RAD50: variants seen among roughly 807,000 people sequenced by gnomAD.
RAD50 encodes RAD50 double strand break repair protein, also known as DNA repair protein RAD50.
RAD50 carries 132 observed loss-of-function variants against 168.8 expected under a neutral mutation model. That is an observed-to-expected ratio of 0.78 (90% CI 0.68 to 0.90). The LOEUF is 0.90. RAD50 is among the 40% of genes least tolerant of loss of function. The probability of loss-of-function intolerance (pLI) is 0.00; values close to 1 mark genes in which losing one functional copy is unlikely to be tolerated. For missense variants in RAD50, 1,347 were observed against 1,534.4 expected, an observed-to-expected ratio of 0.88 and a Z score of 2.04; for synonymous variants, 525 against 497.4, an observed-to-expected ratio of 1.06 and a Z score of -0.74.
At chr5:132,579,795 C>T in intron 4 of RAD50, 67 bp from the exon 5 acceptor site, 5 of 1,288,730 alleles carry the variant, frequency 3.9e-6, no homozygotes, top group Non-Finnish European at 5.6e-6. Flanking sequence ...GCATAATATC[C>T]CACTGTATGA....
In RAD50 at chr5:132,642,071, G is replaced by GAC. The variant is rs1751733824; in HGVS notation, c.3753-101_3753-100dup. ...CTTCCTGCAGGGTAGCTGGGGCCCT[G>GAC]ACACACAGCACAAGTTCATGTGTCT... is the stretch of plus-strand genomic sequence containing the variant. On this transcript the variant is annotated intron_variant, in intron 24 of 24. Coordinates refer to ENST00000378823, the MANE Select transcript of RAD50 (RefSeq NM_005732.4). 6.4e-6 allele frequency: 8 copies of GAC among 1,251,026 alleles called. No individual in the cohort carries two copies. The East Asian group carries it at 1.9e-4, about 30-fold the overall frequency. The allele number at this position is 1,251,026 out of a possible 1,614,324, so 77.5% of individuals were successfully genotyped here.
At chr5:132,583,951 C>A (rs965487652) in intron 5 of RAD50, among the ~76,000 whole-genome samples, 1 of 152,110 alleles carries the variant, frequency 6.6e-6, no homozygotes, top group Admixed American at 6.5e-5. Flanking sequence ...CCCACCTCGG[C>A]CTCCCAAAGT....
intron 2 of RAD50, among the ~76,000 whole-genome samples, chr5:132,574,977 A>G (rs1295255256): frequency 1.3e-5 from 2 of 152,088 alleles, no homozygotes; most frequent in Non-Finnish European, 2.9e-5. Flanking sequence ...GGAGTTCCAA[A>G]CTTTCCCATA....
intron 19 of RAD50, among the ~76,000 whole-genome samples, chr5:132,614,306 G>C (rs1018440923): frequency 6.6e-6 from 1 of 152,124 alleles, no homozygotes; most frequent in African/African-American, 2.4e-5. Context: ...TTCCTAATAA[G>C]GAACAACAAG....
At chr5:132,558,137 AAAGG>A (rs1353981313) in intron 1 of RAD50, among the ~76,000 whole-genome samples, 4 of 152,212 alleles carry the variant, frequency 2.6e-5, no homozygotes, top group Non-Finnish European at 4.4e-5. Flanking sequence ...AGAAGAGTCT[AAAGG>A]AAGGATTTGT....
At chr5:132,596,316 A>G (rs1469570227) in intron 13 of RAD50, among the ~76,000 whole-genome samples, 1 of 152,156 alleles carries the variant, frequency 6.6e-6, no homozygotes, top group Non-Finnish European at 1.5e-5. Flanking sequence ...TTCTTAAACT[A>G]TGAGGTAGAC....
chr5:132,557,566 G>T (rs1750027290), intron 1 of RAD50, 113 bp downstream of exon 1: 1 of 1,487,282 alleles, frequency 6.7e-7, no homozygotes, highest in Non-Finnish European at 9.3e-7. Context: ...CTCCACAGGT[G>T]TAGGCCCTTA....
chr5:132,643,797 A>G lies in RAD50; in HGVS notation c.*1433A>G. ...AATTCTAGTCATATATTAAACATCCACAATAACCAAGATATTTTTATCCCA... is the reference window on the plus strand; with the variant it reads ...AATTCTAGTCATATATTAAACATCCGCAATAACCAAGATATTTTTATCCCA... On this transcript the variant is annotated 3_prime_UTR_variant, in exon 25 of 25. Coordinates refer to ENST00000378823, the MANE Select transcript of RAD50 (RefSeq NM_005732.4). 1 of 231,642 alleles carries G rather than the reference A, an allele frequency of 4.3e-6. No homozygotes were observed. The highest frequency in any genetic ancestry group is 8.5e-6 in the Non-Finnish European group (1 of 117,044). The allele number at this position is 231,642 out of a possible 1,614,324, so 14.3% of individuals were successfully genotyped here.
rs781307208 is a variant in RAD50 at position 132,589,770 on chromosome 5, A to G, written c.1385A>G (p.Tyr462Cys). Residue 462 changes from tyrosine (Y) to cysteine (C), a missense_variant, in exon 9 of 25, where the codon TAT becomes TGT. Tyr to Cys is a radical substitution (Grantham distance 194). Around this residue, in one of 3 missense-constraint regions of RAD50, gnomAD observed 703 missense variants for 767.7 expected, o/e 0.92. Coordinates refer to ENST00000378823, the MANE Select transcript of RAD50 (RefSeq NM_005732.4). ...CAGAATGAGCTGAAAAATGTGAAGT[A>G]TGAATTACAGCAGTTGGAAGGATCT... Reference protein sequence around the residue: ...KKQNELKNVKYELQQLEGSSD... With the variant: ...KKQNELKNVKCELQQLEGSSD... The G allele has an allele frequency of 2.5e-6, 4 of 1,613,694 alleles. No homozygotes were observed. The Admixed American group carries it at 6.7e-5, about 27-fold the overall frequency.
intron 23 of RAD50, among the ~76,000 whole-genome samples, chr5:132,639,635 A>AAATT (rs1751673934): frequency 6.6e-6 from 1 of 152,234 alleles, no homozygotes; most frequent in African/African-American, 2.4e-5. Context: ...TGAGTTATGA[A>AAATT]AATTAATTAG....
rs777037448 is a variant in RAD50 at position 132,580,041 on chromosome 5, A to G, written c.731A>G (p.Tyr244Cys). The change falls in exon 5 of 25, where the codon TAT becomes TGT. Residue 244 changes from tyrosine (Y) to cysteine (C), a missense_variant. Tyr to Cys is a radical substitution (Grantham distance 194, BLOSUM62 -2). Transcript: ENST00000378823. The stretch of plus-strand genomic sequence containing the variant: ...TCTTCAAAGGAAATTGTCAAATCCT[A>G]TGAGAATGAACTTGATCCATTGAAG... ...LTSSKEIVKS[Y>C]ENELDPLKNR... 12 of 1,612,252 alleles carry G rather than the reference A, an allele frequency of 7.4e-6. No individual in the cohort carries two copies. Among genetic ancestry groups the G allele is most frequent in the South Asian group, 3.3e-5 (3 of 91,038 alleles).
intron 2 of RAD50, among the ~76,000 whole-genome samples, chr5:132,566,760 G>T (rs1441980494): frequency 2.6e-5 from 4 of 152,170 alleles, no homozygotes; most frequent in Non-Finnish European, 5.9e-5. Context: ...GTTAATTTCT[G>T]AAACATTTTA....
At chr5:132,605,121 T>G in intron 16 of RAD50, 122 bp downstream of exon 16, 1 of 645,542 alleles carries the variant, frequency 1.5e-6, no homozygotes, top group Non-Finnish European at 2.4e-6. Context: ...CTCGGCTCAC[T>G]GCAACCTCCA....
intron 23 of RAD50, among the ~76,000 whole-genome samples, chr5:132,640,296 T>C (rs539025369): frequency 3.9e-5 from 6 of 152,192 alleles, no homozygotes; most frequent in Non-Finnish European, 5.9e-5. Flanking sequence ...ATCAGGCAAA[T>C]AGCCAGGTCA....
At chr5:132,566,887 A>G (rs188903488) in intron 2 of RAD50, among the ~76,000 whole-genome samples, 1 of 152,354 alleles carries the variant, frequency 6.6e-6, no homozygotes, top group East Asian at 1.9e-4. Flanking sequence ...TAGAAGTTTC[A>G]TTTAAACATT....
rs1580993593 is a variant in RAD50 at position 132,589,820 on chromosome 5, C to G, written c.1435C>G (p.Gln479Glu). 6.2e-7 allele frequency: 1 copy of G among 1,612,262 alleles called. No homozygotes were observed. The highest frequency in any genetic ancestry group is 8.5e-7 in the Non-Finnish European group (1 of 1,178,786). Residue 479 changes from glutamine (Q) to glutamate (E), a missense_variant, in exon 9 of 25, where the codon CAG becomes GAG. This residue lies in a region of RAD50 where 703 missense variants were observed against 767.7 expected (regional missense o/e 0.92). Transcript: ENST00000378823. ...TTCAGACAGGATTCTTGAACTGGACCAGGAGCTCATAAAAGCTGTAAGATA... is the reference window on the plus strand; with the variant it reads ...TTCAGACAGGATTCTTGAACTGGACGAGGAGCTCATAAAAGCTGTAAGATA... ...GSSDRILELD[Q>E]ELIKAERELS...
chr5:132,595,834 T>C (rs779403753), intron 13 of RAD50, 24 bp downstream of exon 13: 95 of 1,554,224 alleles, frequency 6.1e-5, no homozygotes, highest in Non-Finnish European at 8.2e-5. Context: ...TTACCTTCAC[T>C]GTACATGTAG....
intron 21 of RAD50, among the ~76,000 whole-genome samples, chr5:132,624,834 T>C (rs1343581303): frequency 7.4e-6 from 1 of 134,528 alleles, no homozygotes; most frequent in East Asian, 2.1e-4. Context: ...ATTGTGCCAG[T>C]GCACTCCAGC....
chr5:132,622,721 T>C (rs1751306499), intron 21 of RAD50, among the ~76,000 whole-genome samples: 1 of 152,218 alleles, frequency 6.6e-6, no homozygotes, highest in African/African-American at 2.4e-5. Context: ...TTCTGCTGTT[T>C]TGTATGTTGA....
Sources: gnomAD v4.1 joint callset for allele counts (sites outside exome capture counted in the v4.1 genomes callset) on GRCh38, gnomAD v4.1.1 for gene constraint, gnomAD v4.1.1 regional missense constraint, MANE v1.5 for transcripts, NCBI Gene and HGNC (gene_info 2026-07-23, HGNC 2026-07-21) for gene names.